The following OARD1 variants were observed in gnomAD, a reference collection of about 807,000 sequenced individuals.
OARD1 encodes the protein O-acyl-ADP-ribose deacylase 1, also known as ADP-ribose glycohydrolase OARD1.
Under a neutral mutation model 19.7 loss-of-function variants are expected in OARD1, and 19 were observed. The ratio of observed to expected loss-of-function variants is 0.96; its 90% CI spans 0.67 to 1.41. The LOEUF (loss-of-function observed/expected upper bound fraction) is 1.41. Ranked by LOEUF, OARD1 falls within the 40% of genes most tolerant of loss-of-function variation. OARD1 has a pLI of 0.00. For missense variants in OARD1, 190 were observed against 183.8 expected (o/e 1.03, Z -0.20); for synonymous variants, 70 against 61.8 (o/e 1.13, Z -0.62).
rs1426026733 is a variant in OARD1 at position 41,066,742 on chromosome 6, C to T, written c.*593G>A. ...TGTTTGAAATTAAGTTGCAGGTGAA[C>T]CCTCCATTACCCATGTCCAGAACAA... On this transcript the variant is annotated 3_prime_UTR_variant, in exon 6 of 6. Transcript: ENST00000424266. 3 of 152,132 alleles carry T rather than the reference C, an allele frequency of 2.0e-5. No homozygotes were observed. The highest frequency in any genetic ancestry group is 2.9e-5 in the Non-Finnish European group (2 of 68,024). 9.4% of individuals were successfully genotyped at this position (152,132 alleles called of 1,614,324 possible).
In OARD1 at chr6:41,065,443, T is replaced by C. The variant is rs1413351120; in HGVS notation, c.*1892A>G. The C allele has an allele frequency of 2.0e-5, 3 of 152,230 alleles. No individual in the cohort carries two copies. Among genetic ancestry groups the C allele is most frequent in the African/African-American group, 7.2e-5 (3 of 41,464 alleles). 9.4% of individuals were successfully genotyped at this position (152,230 alleles called of 1,614,324 possible). On this transcript the variant is annotated 3_prime_UTR_variant, in exon 6 of 6. Transcript: ENST00000424266. ...GACCTAAGTTGAGGAGCATCTGTAA[T>C]TGCAGAGTTAAGCAAAATATTTTAA...
intron 1 of OARD1, among the ~76,000 whole-genome samples, chr6:41,081,933 G>A (rs1415046393): frequency 6.6e-6 from 1 of 152,132 alleles, no homozygotes; most frequent in Non-Finnish European, 1.5e-5. Context: ...GTTCTAATTT[G>A]GCCAGTTCCT....
Position 41,064,973 on chromosome 6 carries a change from C to T in OARD1, c.*2362G>A. ...GAAGCAAAAATTCACAGGTGAATTTCCGGGTGTTTGCCAAACTCTAACTAG... is the reference window on the plus strand; with the variant it reads ...GAAGCAAAAATTCACAGGTGAATTTTCGGGTGTTTGCCAAACTCTAACTAG... On this transcript the variant is annotated 3_prime_UTR_variant, in exon 6 of 6. Transcript: ENST00000424266. The T allele has an allele frequency of 6.6e-6, 1 of 151,258 alleles. No individual in the cohort carries two copies. The highest frequency in any genetic ancestry group is 1.5e-5 in the Non-Finnish European group (1 of 67,930). 9.4% of individuals were successfully genotyped at this position (151,258 alleles called of 1,614,324 possible). A position where few individuals can be genotyped will look rare whatever the true frequency, so the allele number is the denominator to read the frequency against.
intron 3 of OARD1, 171 bp downstream of exon 3, chr6:41,070,961 T>C: frequency 1.5e-6 from 1 of 657,716 alleles, no homozygotes; most frequent in Non-Finnish European, 2.7e-6. Context: ...TTCACAGGAG[T>C]TGGGTTTTGA....
chr6:41,093,475 T>C (rs1262094398), intron 1 of OARD1, among the ~76,000 whole-genome samples: 1 of 151,786 alleles, frequency 6.6e-6, no homozygotes, highest in Non-Finnish European at 1.5e-5. Flanking sequence ...CCCTTTCTTT[T>C]TTTTTTTTTT....
intron 1 of OARD1, chr6:41,080,921 T>A (rs1763887846): frequency 1.3e-6 from 2 of 1,584,672 alleles, no homozygotes; most frequent in East Asian, 2.2e-5. Flanking sequence ...TGATTCTCTG[T>A]GAGCACTGCA....
chr6:41,080,926 A>C, intron 1 of OARD1: 1 of 1,545,930 alleles, frequency 6.5e-7, no homozygotes, highest in Non-Finnish European at 8.9e-7. Flanking sequence ...CTCTGTGAGC[A>C]CTGCATGAAC....
chr6:41,078,555 CT>C (rs1188162254), intron 1 of OARD1, among the ~76,000 whole-genome samples: 1 of 152,006 alleles, frequency 6.6e-6, no homozygotes, highest in African/African-American at 2.4e-5. Flanking sequence ...TAATTGTATC[CT>C]TATTTTTAAA....
At chr6:41,090,101 G>A (rs1764160355) in intron 1 of OARD1, 3 of 744,122 alleles carry the variant, frequency 4.0e-6, no homozygotes, top group Non-Finnish European at 6.7e-6. Context: ...GCGACAGAGT[G>A]AGACTCTGTC....
At position 41,065,116 on chromosome 6, in the gene OARD1, C is replaced by T. The variant is rs573418600; in HGVS notation, c.*2219G>A. On this transcript the variant is annotated 3_prime_UTR_variant, in exon 6 of 6. Coordinates refer to ENST00000424266, the MANE Select transcript of OARD1 (RefSeq NM_001329686.2). Reference sequence around the variant, plus strand: ...ACTACTATCGGCAAATGACAAAGTGCTTTATCACATTCCTGCTAAGTCCCA... The same window carrying T: ...ACTACTATCGGCAAATGACAAAGTGTTTTATCACATTCCTGCTAAGTCCCA... 3.5e-4 allele frequency: 54 copies of T among 152,286 alleles called. No individual in the cohort carries two copies. The highest frequency in any genetic ancestry group is 1.2e-3 in the African/African-American group (48 of 41,572). 9.4% of individuals were successfully genotyped at this position (152,286 alleles called of 1,614,324 possible). A position where few individuals can be genotyped will look rare whatever the true frequency, so the allele number is the denominator to read the frequency against.
intron 1 of OARD1, chr6:41,090,320 C>T: frequency 6.3e-7 from 1 of 1,595,030 alleles, no homozygotes; most frequent in Non-Finnish European, 8.6e-7. Flanking sequence ...GTAAGTGTAC[C>T]CATAAGCTTC....
chr6:41,089,899 C>G (rs1428083328), intron 1 of OARD1, among the ~76,000 whole-genome samples: 1 of 152,132 alleles, frequency 6.6e-6, no homozygotes, highest in Non-Finnish European at 1.5e-5. Context: ...GCAAGCTGAT[C>G]ACAAGGTCAA....
upstream of OARD1, among the ~76,000 whole-genome samples, chr6:41,076,124 G>T (rs936131891): frequency 6.6e-6 from 1 of 152,166 alleles, no homozygotes; most frequent in Non-Finnish European, 1.5e-5. Flanking sequence ...GAAAATATCT[G>T]CCAGGCATGA....
chr6:41,089,907 C>T (rs1764155670), intron 1 of OARD1, among the ~76,000 whole-genome samples: 1 of 152,120 alleles, frequency 6.6e-6, no homozygotes, highest in Non-Finnish European at 1.5e-5. Flanking sequence ...ATCACAAGGT[C>T]AAGAGATCAA....
At chr6:41,085,007 A>G (rs1447375042) in intron 1 of OARD1, among the ~76,000 whole-genome samples, 3 of 152,248 alleles carry the variant, frequency 2.0e-5, no homozygotes, top group African/African-American at 7.2e-5. Context: ...TGTTACATAC[A>G]ACTCTGTGGC....
intron 1 of OARD1, chr6:41,091,781 T>C (rs932020267): frequency 1.1e-5 from 16 of 1,471,434 alleles, no homozygotes; most frequent in Non-Finnish European, 1.5e-5. Context: ...TGTTGACCTC[T>C]TGGGATTGAG....
In OARD1 at chr6:41,067,923, C is replaced by T. The variant is rs115774857; in HGVS notation, c.357-486G>A. Reference sequence around the variant, plus strand: ...GATAGTTGCAATCCAGGAGTAAGGTCTTTGCAACACCCTGGTAAGAATAAA... The same window carrying T: ...GATAGTTGCAATCCAGGAGTAAGGTTTTTGCAACACCCTGGTAAGAATAAA... On this transcript the variant is annotated intron_variant, in intron 5 of 5. Transcript: ENST00000424266. Among the ~76,000 whole-genome samples the T allele has an allele frequency of 5.9e-3, 894 of 152,214 alleles. 4 individuals are homozygous for T. The highest frequency in any genetic ancestry group is 9.8e-3 in the Non-Finnish European group (666 of 68,010).
At chr6:41,069,164 T>G (rs1763189151) in intron 4 of OARD1, 1 of 390,524 alleles carries the variant, frequency 2.6e-6, no homozygotes. Context: ...AAACCCAGAC[T>G]CTGCCACGTA....
chr6:41,069,708 A>T (rs967564853), intron 4 of OARD1: 1 of 277,182 alleles, frequency 3.6e-6, no homozygotes, highest in Non-Finnish European at 6.9e-6. Context: ...TTGACATGGA[A>T]TAAGAGAAAA....
Sources: gnomAD v4.1 joint callset for allele counts (sites outside exome capture counted in the v4.1 genomes callset) on GRCh38, gnomAD v4.1.1 for gene constraint, MANE v1.5 for transcripts, NCBI Gene and HGNC (gene_info 2026-07-23, HGNC 2026-07-21) for gene names.